The following LRRC4C variants were observed in gnomAD, a reference collection of about 807,000 sequenced individuals.
LRRC4C encodes the protein leucine-rich repeat-containing protein 4C.
Under a neutral mutation model 33.6 loss-of-function variants are expected in LRRC4C, and 5 were observed. The observed-to-expected ratio is 0.15, with a 90% confidence interval of 0.08 to 0.31. The LOEUF (loss-of-function observed/expected upper bound fraction) is 0.31, where lower values mean the gene tolerates loss of function less well. Ranked by LOEUF, LRRC4C falls within the 10% of genes least tolerant of loss-of-function variation. The pLI is 1.00. For missense variants in LRRC4C, 560 were observed against 796.7 expected, an observed-to-expected ratio of 0.70 and a Z score of 3.58; for synonymous variants, 329 against 302.0, an observed-to-expected ratio of 1.09 and a Z score of -0.93.
chr11:40,990,576 G>T (rs1853464069), intron 1 of LRRC4C, among the ~76,000 whole-genome samples: 1 of 151,928 alleles, frequency 6.6e-6, no homozygotes, highest in Non-Finnish European at 1.5e-5. Context: ...TCCTCTTAGG[G>T]ATCCCATGAG....
At chr11:40,189,336 G>T in intron 5 of LRRC4C, among the ~76,000 whole-genome samples, 1 of 152,056 alleles carries the variant, frequency 6.6e-6, no homozygotes, top group South Asian at 2.1e-4. Flanking sequence ...TATAAATCCT[G>T]GTTCTTTACC....
chr11:40,532,539 G>A (rs1351143457), intron 3 of LRRC4C, among the ~76,000 whole-genome samples: 1 of 151,940 alleles, frequency 6.6e-6, no homozygotes, highest in African/African-American at 2.4e-5. Flanking sequence ...GGCCAGGATG[G>A]AAATTGTGGG....
chr11:40,756,306 T>C (rs1948942224), intron 2 of LRRC4C, among the ~76,000 whole-genome samples: 1 of 152,138 alleles, frequency 6.6e-6, no homozygotes, highest in South Asian at 2.1e-4. Flanking sequence ...TAAATAATTT[T>C]CAAGAACCTT....
chr11:40,376,238 C>A (rs576948774), intron 3 of LRRC4C, among the ~76,000 whole-genome samples: 1 of 152,132 alleles, frequency 6.6e-6, no homozygotes, highest in African/African-American at 2.4e-5. Context: ...TCATGATAAC[C>A]CCTCTTGTCA....
At chr11:40,860,781 T>TC in intron 2 of LRRC4C, among the ~76,000 whole-genome samples, 1 of 2,394 alleles carries the variant, frequency 4.2e-4, no homozygotes, top group African/African-American at 6.2e-4. Flanking sequence ...TAGGATCTTT[T>TC]TTTTTTTTTT....
chr11:40,927,514 A>T (rs2136427673), intron 2 of LRRC4C, among the ~76,000 whole-genome samples: 1 of 152,346 alleles, frequency 6.6e-6, no homozygotes, highest in South Asian at 2.1e-4. Flanking sequence ...TGAGTTGCCA[A>T]GAAAGACACC....
chr11:40,529,681 A>T (rs539613080), intron 3 of LRRC4C, among the ~76,000 whole-genome samples: 2 of 152,174 alleles, frequency 1.3e-5, no homozygotes, highest in African/African-American at 2.4e-5. Flanking sequence ...AACAAAAACC[A>T]TTAGTTTGAA....
intron 2 of LRRC4C, among the ~76,000 whole-genome samples, chr11:40,924,156 G>T (rs568109577): frequency 1.1e-4 from 17 of 149,756 alleles, no homozygotes; most frequent in Non-Finnish European, 2.2e-4. Flanking sequence ...ATGATATTAG[G>T]TTCAAAGCCC....
At chr11:40,630,973 C>A (rs1963436262) in intron 3 of LRRC4C, among the ~76,000 whole-genome samples, 1 of 152,136 alleles carries the variant, frequency 6.6e-6, no homozygotes, top group African/African-American at 2.4e-5. Flanking sequence ...AATTTTATTT[C>A]TGTGAGTAAT....
chr11:40,822,751 A>C (rs1204459430), intron 2 of LRRC4C, among the ~76,000 whole-genome samples: 1 of 151,704 alleles, frequency 6.6e-6, no homozygotes, highest in Non-Finnish European at 1.5e-5. Context: ...TGCCCAAATC[A>C]ATTTTCTAAA....
intron 6 of LRRC4C, among the ~76,000 whole-genome samples, chr11:40,119,958 C>T (rs182521991): frequency 5.3e-5 from 8 of 152,206 alleles, no homozygotes; most frequent in African/African-American, 1.4e-4. Context: ...CAGAGCCTGC[C>T]AAAATTGTTC....
chr11:41,194,552 T>C (rs1946100701), intron 1 of LRRC4C, among the ~76,000 whole-genome samples: 1 of 152,076 alleles, frequency 6.6e-6, no homozygotes, highest in Non-Finnish European at 1.5e-5. Context: ...CTTCGAGGAA[T>C]CAAGTGGCCA....
chr11:40,445,030 A>T (rs1951567331), intron 3 of LRRC4C, among the ~76,000 whole-genome samples: 1 of 152,200 alleles, frequency 6.6e-6, no homozygotes, highest in African/African-American at 2.4e-5. Flanking sequence ...CTTTGGGGTC[A>T]TCTGACCTTC....
chr11:41,196,460 G>A, intron 1 of LRRC4C, among the ~76,000 whole-genome samples: 1 of 152,014 alleles, frequency 6.6e-6, no homozygotes, highest in East Asian at 1.9e-4. Flanking sequence ...AGTTTTCTAA[G>A]TTGAGTTTAT....
chr11:40,325,303 T>A (rs1946043314), intron 3 of LRRC4C, among the ~76,000 whole-genome samples: 1 of 152,230 alleles, frequency 6.6e-6, no homozygotes, highest in Non-Finnish European at 1.5e-5. Flanking sequence ...ACTTTTGCTT[T>A]GACTCACTCC....
At chr11:41,399,160 C>T (rs536768362) in intron 1 of LRRC4C, among the ~76,000 whole-genome samples, 1 of 151,858 alleles carries the variant, frequency 6.6e-6, no homozygotes, top group African/African-American at 2.4e-5. Flanking sequence ...TAACAGAAAA[C>T]CTGGATCAGT....
chr11:40,448,049 G>A (rs556509682), intron 3 of LRRC4C, among the ~76,000 whole-genome samples: 2 of 151,936 alleles, frequency 1.3e-5, no homozygotes, highest in African/African-American at 2.4e-5. Context: ...ACTCCTGACC[G>A]CCTACCTCAG....
chr11:41,342,442 C>T (rs748987554), intron 1 of LRRC4C, among the ~76,000 whole-genome samples: 2 of 152,152 alleles, frequency 1.3e-5, no homozygotes, highest in Admixed American at 6.5e-5. Flanking sequence ...CATCTGGGCA[C>T]GGTGGCTCTC....
intron 2 of LRRC4C, among the ~76,000 whole-genome samples, chr11:40,748,194 A>C (rs576192880): frequency 6.6e-6 from 1 of 152,282 alleles, no homozygotes; most frequent in African/African-American, 2.4e-5. Flanking sequence ...AACCCCCGTT[A>C]GAATAACGGC....
Sources: gnomAD v4.1 joint callset for allele counts (sites outside exome capture counted in the v4.1 genomes callset) on GRCh38, gnomAD v4.1.1 for gene constraint, MANE v1.5 for transcripts, NCBI Gene and HGNC (gene_info 2026-07-23, HGNC 2026-07-21) for gene names.